The following DDX4 variants were observed in gnomAD, a reference collection of about 807,000 sequenced individuals.
DDX4 encodes the protein probable ATP-dependent RNA helicase DDX4.
Under a neutral mutation model 100.0 loss-of-function variants are expected in DDX4, and 25 were observed. That is an observed-to-expected ratio of 0.25 (90% CI 0.18 to 0.35). The LOEUF is 0.35. Among genes scored for constraint, DDX4 ranks in the 10% least tolerant of loss-of-function variants. The pLI is 1.00. For synonymous variants in DDX4, 259 were observed against 275.7 expected, an observed-to-expected ratio of 0.94 and a Z score of 0.60; for missense variants, 635 against 882.4, an observed-to-expected ratio of 0.72 and a Z score of 3.55.
At chr5:55,774,658 A>T (rs1168757799) in intron 7 of DDX4, among the ~76,000 whole-genome samples, 1 of 152,084 alleles carries the variant, frequency 6.6e-6, no homozygotes, top group Non-Finnish European at 1.5e-5. Flanking sequence ...TAGTTCTTAC[A>T]CTTAAGTCTT....
intron 2 of DDX4, among the ~76,000 whole-genome samples, chr5:55,739,613 GATT>G (rs1282529584): frequency 6.6e-6 from 1 of 152,096 alleles, no homozygotes; most frequent in Non-Finnish European, 1.5e-5. Flanking sequence ...AAAGATAATA[GATT>G]ATTTTTGCAT....
intron 2 of DDX4, among the ~76,000 whole-genome samples, chr5:55,741,616 C>T (rs1283970402): frequency 3.9e-5 from 6 of 152,098 alleles, no homozygotes; most frequent in Non-Finnish European, 8.8e-5. Flanking sequence ...AGCAAAACCC[C>T]TTCTCTACTA....
chr5:55,802,267 G>T (rs980595976), intron 18 of DDX4, among the ~76,000 whole-genome samples: 1 of 152,104 alleles, frequency 6.6e-6, no homozygotes, highest in Non-Finnish European at 1.5e-5. Flanking sequence ...TTGGGATGGG[G>T]TGTCAGTGAG....
chr5:55,765,414 ATATATATAT>A (rs1245119213), intron 6 of DDX4, among the ~76,000 whole-genome samples: 1 of 64,776 alleles, frequency 1.5e-5, no homozygotes, highest in Admixed American at 2.2e-4. Context: ...AAAAAAAAAA[ATATATATAT>A]ATATATATAT....
At chr5:55,757,273 C>T (rs948570698) in intron 3 of DDX4, among the ~76,000 whole-genome samples, 1 of 152,186 alleles carries the variant, frequency 6.6e-6, no homozygotes, top group East Asian at 1.9e-4. Flanking sequence ...CATCGCACTC[C>T]TTTCCCCAAG....
At chr5:55,795,453 G>A (rs1037800437) in intron 17 of DDX4, among the ~76,000 whole-genome samples, 2 of 152,136 alleles carry the variant, frequency 1.3e-5, no homozygotes, top group Admixed American at 1.3e-4. Flanking sequence ...TTCTCTCACA[G>A]TCTTTTAACT....
At position 55,780,004 on chromosome 5, in the gene DDX4, C is replaced by T. The variant is rs1176506944; in HGVS notation, c.435C>T (p.Tyr145=). 6.2e-7 allele frequency: 1 copy of T among 1,613,928 alleles called. No individual in the cohort carries two copies. Reference sequence around the variant, plus strand: ...ATAATTCAGAAGCTTCAGGGCCATACAGAAGAGGTGGAAGAGGTAGTTTCC... The same window carrying T: ...ATAATTCAGAAGCTTCAGGGCCATATAGAAGAGGTGGAAGAGGTAGTTTCC... The part of the protein sequence containing the change: ...DGNNSEASGP[Y]RRGGRGSFRG... Residue 145 remains tyrosine (Y), a synonymous_variant, in exon 8 of 22, where the codon TAC becomes TAT. Transcript: ENST00000505374.
Position 55,787,928 on chromosome 5 carries a change from A to G in DDX4, c.1100A>G (p.Glu367Gly). ...CGTTTTAAAGAGTTGCAGGAACCAGAGTGTATTATTGTAGCACCAACTCGA... is the reference window on the plus strand; with the variant it reads ...CGTTTTAAAGAGTTGCAGGAACCAGGGTGTATTATTGTAGCACCAACTCGA... Reference protein sequence around the residue: ...ASRFKELQEPECIIVAPTREL... With the variant: ...ASRFKELQEPGCIIVAPTREL... The change falls in exon 15 of 22, where the codon GAG (glutamate) becomes GGG (glycine). Residue 367 changes from glutamate (E) to glycine (G), a missense_variant. Physicochemically the swap from Glu to Gly is moderately conservative, Grantham distance 98 (BLOSUM62 -2). Around this residue, in one of 4 missense-constraint regions of DDX4, gnomAD observed 446 missense variants for 540.8 expected, o/e 0.82. Transcript: ENST00000505374. 1 of 1,613,944 alleles carries G rather than the reference A, an allele frequency of 6.2e-7. No individual in the cohort carries two copies. The highest frequency in any genetic ancestry group is 8.5e-7 in the Non-Finnish European group (1 of 1,179,952).
chr5:55,789,106 A>G (rs1038464734), intron 15 of DDX4, among the ~76,000 whole-genome samples: 1 of 152,200 alleles, frequency 6.6e-6, no homozygotes, highest in African/African-American at 2.4e-5. Context: ...TTTTCTTAGA[A>G]TAGAGTTTTA....
rs1743100716 is a variant in DDX4, at chr5:55,798,438, G to A, written c.1482G>A (p.Glu494=). Residue 494 remains glutamate, a synonymous_variant, in exon 18 of 22, where the codon GAG becomes GAA. Coordinates refer to ENST00000505374, the MANE Select transcript of DDX4 (RefSeq NM_024415.3). The part of the protein sequence containing the change: ...FPEEIQRLAA[E]FLKSNYLFVA... ...TTTGTTTTTCAAGGTTGGCTGCAGA[G>A]TTTTTAAAGTCAAATTATCTGTTTG... The A allele has an allele frequency of 6.2e-7, 1 of 1,612,072 alleles. No individual in the cohort carries two copies. The highest frequency in any genetic ancestry group is 1.3e-5 in the African/African-American group (1 of 74,884).
intron 17 of DDX4, among the ~76,000 whole-genome samples, chr5:55,793,627 CA>C (rs1488279949): frequency 6.6e-6 from 1 of 152,168 alleles, no homozygotes; most frequent in East Asian, 1.9e-4. Flanking sequence ...GGATGGGAAG[CA>C]TAGATTTCCC....
chr5:55,775,675 G>A (rs1741517906), intron 7 of DDX4, among the ~76,000 whole-genome samples: 1 of 151,988 alleles, frequency 6.6e-6, no homozygotes, highest in African/African-American at 2.4e-5. Flanking sequence ...AATAAAAGAT[G>A]TTCCATTTTC....
chr5:55,740,013 C>A (rs750553585), intron 2 of DDX4, among the ~76,000 whole-genome samples: 98 of 152,242 alleles, frequency 6.4e-4, no homozygotes, highest in Non-Finnish European at 1.1e-3. Flanking sequence ...CAGGCGCAAG[C>A]CATTGCACCT....
intron 17 of DDX4, among the ~76,000 whole-genome samples, chr5:55,798,071 G>T (rs1439367284): frequency 2.0e-5 from 3 of 151,994 alleles, no homozygotes; most frequent in Admixed American, 6.5e-5. Flanking sequence ...TACATTTCAG[G>T]TTTTACTAAA....
intron 18 of DDX4, among the ~76,000 whole-genome samples, chr5:55,813,210 C>G (rs1744212541): frequency 1.3e-5 from 2 of 152,036 alleles, no homozygotes; most frequent in South Asian, 4.1e-4. Context: ...GTTTGGAACA[C>G]TAATTATATA....
chr5:55,803,637 C>A (rs1198036871), intron 18 of DDX4, among the ~76,000 whole-genome samples: 1 of 151,596 alleles, frequency 6.6e-6, no homozygotes, highest in Non-Finnish European at 1.5e-5. Flanking sequence ...TCATCCATGT[C>A]CCTACAAAGG....
intron 6 of DDX4, among the ~76,000 whole-genome samples, chr5:55,765,407 A>ATATAT (rs1225727462): frequency 1.8e-4 from 17 of 92,938 alleles, no homozygotes; most frequent in Middle Eastern, 5.0e-3. Context: ...AAAAAAAAAA[A>ATATAT]AAAAAAATAT....
At chr5:55,745,673 T>G (rs1759212029) in intron 2 of DDX4, among the ~76,000 whole-genome samples, 1 of 152,174 alleles carries the variant, frequency 6.6e-6, no homozygotes, top group African/African-American at 2.4e-5. Flanking sequence ...TCCTCCTGCC[T>G]CAGCCTCCCA....
chr5:55,763,346 A>C, intron 5 of DDX4, 94 bp downstream of exon 5: 1 of 831,868 alleles, frequency 1.2e-6, no homozygotes, highest in South Asian at 1.4e-5. Context: ...CCATATTGAC[A>C]TTTAATTTCA....
Sources: gnomAD v4.1 joint callset for allele counts (sites outside exome capture counted in the v4.1 genomes callset) on GRCh38, gnomAD v4.1.1 for gene constraint, gnomAD v4.1.1 regional missense constraint, MANE v1.5 for transcripts, NCBI Gene and HGNC (gene_info 2026-07-23, HGNC 2026-07-21) for gene names.